The following MOV10L1 variants were observed in gnomAD, a reference collection of about 807,000 sequenced individuals.
MOV10L1 encodes RNA helicase Mov10l1.
In MOV10L1, 110 loss-of-function variants were observed where a neutral mutation model predicts 143.8. The observed-to-expected ratio is 0.76, with a 90% CI of 0.66 to 0.90. The LOEUF (loss-of-function observed/expected upper bound fraction) is 0.90, where lower values mean the gene tolerates loss of function less well. MOV10L1 is among the 40% of genes least tolerant of loss of function. MOV10L1 has a pLI of 0.00. For synonymous variants in MOV10L1, 593 were observed against 581.1 expected, an observed-to-expected ratio of 1.02 and a Z score of -0.29; for missense variants, 1,406 against 1,526.8, an observed-to-expected ratio of 0.92 and a Z score of 1.32.
rs36022529 is a variant in MOV10L1 at position 50,128,540 on chromosome 22, C to CTT, written c.1910+54_1910+55dup. The CTT allele has an allele frequency of 7.5e-3, 3,618 of 484,956 alleles. 6 individuals carry two copies. The highest frequency in any genetic ancestry group is 0.013 in the South Asian group (603 of 48,008). 30.0% of individuals were successfully genotyped at this position (484,956 alleles called of 1,614,324 possible). A position where few individuals can be genotyped will look rare whatever the true frequency, so the allele number is the denominator to read the frequency against. On this transcript the variant is annotated intron_variant, in intron 13 of 26. Coordinates refer to ENST00000262794, the MANE Select transcript of MOV10L1 (RefSeq NM_018995.3). Reference sequence around the variant, plus strand: ...TTTTAGTGAGTCTTCTTTCAAATGTCTTTTTTTTTTTTTTTTTTTTTTGAG... The same window carrying CTT: ...TTTTAGTGAGTCTTCTTTCAAATGTCTTTTTTTTTTTTTTTTTTTTTTTTGAG...
At chr22:50,157,780 A>G (rs75351102) in intron 22 of MOV10L1, among the ~76,000 whole-genome samples, 1 of 141,240 alleles carries the variant, frequency 7.1e-6, no homozygotes. Flanking sequence ...AAAAAAAAAA[A>G]AGATCAGAAA....
intron 9 of MOV10L1, among the ~76,000 whole-genome samples, chr22:50,119,675 G>A (rs2062283218): frequency 6.7e-6 from 1 of 149,842 alleles, no homozygotes; most frequent in Admixed American, 6.7e-5. Flanking sequence ...TCGCATGTGA[G>A]CGCTGACATA....
chr22:50,139,387 C>G (rs1487547243), intron 15 of MOV10L1, among the ~76,000 whole-genome samples: 6 of 151,742 alleles, frequency 4.0e-5, no homozygotes, highest in Non-Finnish European at 7.4e-5. Flanking sequence ...AATTGGACTT[C>G]AGTGAAATTA....
Position 50,152,665 on chromosome 22 carries a change from G to A in MOV10L1, c.2893-380G>A, listed in dbSNP as rs1261590914. On this transcript the variant is annotated intron_variant, in intron 21 of 26. Coordinates refer to ENST00000262794, the MANE Select transcript of MOV10L1 (RefSeq NM_018995.3). The surrounding 1 kb of genome is among the most constrained non-coding windows in gnomAD (Gnocchi z 4.4). ...GCCAAGCGGAGGCAGGGCTGTGTGG[G>A]CCAACAAGATGCTGTTTCCAGGGTG... Among the ~76,000 whole-genome samples the A allele has an allele frequency of 6.6e-6, 1 of 152,114 alleles. No homozygotes were observed. The highest frequency in any genetic ancestry group is 2.4e-5 in the African/African-American group (1 of 41,428).
intron 5 of MOV10L1, 145 bp from the exon 6 acceptor site, chr22:50,113,503 T>C: frequency 8.9e-7 from 1 of 1,121,284 alleles, no homozygotes; most frequent in Non-Finnish European, 1.3e-6. Context: ...CCATCCTCCT[T>C]AGAAACCTAA....
intron 13 of MOV10L1, among the ~76,000 whole-genome samples, chr22:50,128,916 G>T (rs138246): frequency 6.6e-6 from 1 of 151,604 alleles, no homozygotes; most frequent in South Asian, 2.1e-4. Context: ...ATCCTCCTGC[G>T]TCAGCCTCCC....
intron 5 of MOV10L1, among the ~76,000 whole-genome samples, chr22:50,111,851 T>G (rs2062034452): frequency 6.6e-6 from 1 of 152,154 alleles, no homozygotes; most frequent in Admixed American, 6.5e-5. Flanking sequence ...CCAGTGAGCT[T>G]CTGAGACATC....
rs756147952 is a variant in MOV10L1 at position 50,108,657 on chromosome 22, G to A, written c.556G>A (p.Val186Ile). The change falls in exon 5 of 27, where the codon GTC (valine) becomes ATC (isoleucine). Residue 186 changes from valine to isoleucine, a missense_variant and splice_region_variant. Val to Ile is a conservative substitution (Grantham distance 29). Coordinates refer to ENST00000262794, the MANE Select transcript of MOV10L1 (RefSeq NM_018995.3). ...KPLRYKRVDK[V>I]CISSLCGRNG... ...GTGACGCTCAGCTCTCTGCTCCCAG[G>A]TCTGCATCTCTAGCCTCTGTGGAAG... The A allele has an allele frequency of 1.9e-6, 3 of 1,614,042 alleles. No individual in the cohort carries two copies. The highest frequency in any genetic ancestry group is 2.5e-6 in the Non-Finnish European group (3 of 1,179,972).
intron 15 of MOV10L1, among the ~76,000 whole-genome samples, chr22:50,141,775 G>A (rs532467217): frequency 3.8e-4 from 58 of 152,268 alleles, no homozygotes; most frequent in African/African-American, 1.4e-3. Context: ...TGGAAAGCAG[G>A]TAGGATGTAC....
At chr22:50,093,900 C>T (rs1300064654) in intron 2 of MOV10L1, 1 of 152,192 alleles carries the variant, frequency 6.6e-6, no homozygotes, top group Non-Finnish European at 1.5e-5. Flanking sequence ...TTCCTAATGG[C>T]TAGCCAGTCA....
chr22:50,107,985 A>T (rs1247951873), intron 3 of MOV10L1, 151 bp from the exon 4 acceptor site: 1 of 680,956 alleles, frequency 1.5e-6, no homozygotes, highest in African/African-American at 1.8e-5. Context: ...AGGGTTTTTT[A>T]TTCGAAAATA....
At chr22:50,127,113 T>G (rs927528723) in intron 12 of MOV10L1, among the ~76,000 whole-genome samples, 1 of 152,148 alleles carries the variant, frequency 6.6e-6, no homozygotes, top group Non-Finnish European at 1.5e-5. Context: ...TACCCACCTT[T>G]GCTGTTGACC....
At chr22:50,103,169 C>T (rs920181959) in intron 3 of MOV10L1, among the ~76,000 whole-genome samples, 1 of 152,124 alleles carries the variant, frequency 6.6e-6, no homozygotes, top group Non-Finnish European at 1.5e-5. Flanking sequence ...GTGGTTGTAG[C>T]GTGGGAGGGA....
rs2063340373 is a variant in MOV10L1, at chr22:50,153,095, G to T, written c.2943G>T (p.Leu981=). Residue 981 remains leucine (L), a synonymous_variant, in exon 22 of 27, where the codon CTG becomes CTT. Transcript: ENST00000262794. The part of the protein sequence containing the change: ...NYRSHEALLM[L]PSRLFYHREL... ...GGTCCCACGAGGCCCTGCTGATGCT[G>T]CCCTCACGGCTGTTCTACCACAGGG... is the stretch of plus-strand genomic sequence containing the variant. The T allele has an allele frequency of 6.2e-7, 1 of 1,613,048 alleles. No homozygotes were observed. Among genetic ancestry groups the T allele is most frequent in the African/African-American group, 1.3e-5 (1 of 75,040 alleles).
chr22:50,128,453 A>G lies in MOV10L1; in HGVS notation c.1856A>G (p.Glu619Gly). Residue 619 changes from glutamate to glycine, a missense_variant, in exon 13 of 27, where the codon GAA (glutamate) becomes GGA (glycine). Coordinates refer to ENST00000262794, the MANE Select transcript of MOV10L1 (RefSeq NM_018995.3). ...GATGTAACTCTTAAAATTAATCCAG[A>G]ATTTGAACAAGCCTATAACTTTGAA... ...EEDVTLKINP[E>G]FEQAYNFEPM... 6.4e-7 allele frequency: 1 copy of G among 1,560,962 alleles called. No homozygotes were observed. Among genetic ancestry groups the G allele is most frequent in the Middle Eastern group, 1.7e-4 (1 of 5,940 alleles).
intron 3 of MOV10L1, among the ~76,000 whole-genome samples, chr22:50,104,400 A>T (rs1424178051): frequency 6.6e-6 from 1 of 152,100 alleles, no homozygotes; most frequent in African/African-American, 2.4e-5. Flanking sequence ...GGGTCAGGGG[A>T]GTGAGTTTGG....
chr22:50,108,895 A>G, intron 5 of MOV10L1, 51 bp downstream of exon 5: 1 of 1,577,560 alleles, frequency 6.3e-7, no homozygotes, highest in Non-Finnish European at 8.7e-7. Flanking sequence ...CTGTAATCCT[A>G]GCACTTTGGG....
At chr22:50,155,552 T>C (rs1850671705) in intron 22 of MOV10L1, among the ~76,000 whole-genome samples, 1 of 152,222 alleles carries the variant, frequency 6.6e-6, no homozygotes, top group Non-Finnish European at 1.5e-5. Context: ...CTTGGCTCAC[T>C]GCAACTTCTG....
chr22:50,157,961 C>T (rs2063468797), intron 22 of MOV10L1, 96 bp from the exon 23 acceptor site: 2 of 1,383,366 alleles, frequency 1.4e-6, no homozygotes, highest in Non-Finnish European at 1.0e-6. Flanking sequence ...CTGTCATATT[C>T]AGTGTGTATT....
Sources: gnomAD v4.1 joint callset for allele counts (sites outside exome capture counted in the v4.1 genomes callset) on GRCh38, gnomAD v4.1.1 for gene constraint, Gnocchi (gnomAD v3.1) non-coding constraint, MANE v1.5 for transcripts, NCBI Gene and HGNC (gene_info 2026-07-23, HGNC 2026-07-21) for gene names.